The following ATE1 variants were observed in gnomAD, a reference collection of about 807,000 sequenced individuals.
ATE1 encodes the protein arginyltransferase 1.
In ATE1, 36 loss-of-function variants were observed where a neutral mutation model predicts 70.5. The ratio of observed to expected loss-of-function variants is 0.51; its 90% CI spans 0.39 to 0.67. The LOEUF is 0.67. Among genes scored for constraint, ATE1 ranks in the 30% least tolerant of loss-of-function variants. The pLI is 0.00. For missense variants in ATE1, 593 were observed against 629.5 expected (o/e 0.94, Z 0.62); for synonymous variants, 232 against 219.3 (o/e 1.06, Z -0.51).
chr10:121,781,208 A>T (rs1945973746), intron 11 of ATE1, among the ~76,000 whole-genome samples: 1 of 151,900 alleles, frequency 6.6e-6, no homozygotes, highest in Non-Finnish European at 1.5e-5. Flanking sequence ...CCTCTTGGGC[A>T]CTGCCTTTCA....
rs143234374 is a variant in ATE1 at position 121,847,623 on chromosome 10, T to C, written c.976-6360A>G. On this transcript the variant is annotated intron_variant, in intron 8 of 11. Transcript: ENST00000224652. ...AAATACAAAAATTAGCCTAGCGTGG[T>C]GGCATGTGCCTGTAATCCCAGCTAC... Among the ~76,000 whole-genome samples the C allele has an allele frequency of 8.2e-3, 1,235 of 150,524 alleles. 22 individuals carry two copies. The highest frequency in any genetic ancestry group is 0.029 in the African/African-American group (1,194 of 40,792).
At position 121,776,685 on chromosome 10, in the gene ATE1, G is replaced by A. The variant is rs370315753; in HGVS notation, c.1378+13484C>T. On this transcript the variant is annotated intron_variant, in intron 11 of 11. Coordinates refer to ENST00000224652, the MANE Select transcript of ATE1 (RefSeq NM_001001976.3). ...AACTACCAGAGTGTACCACACGAGTGAGGGTGAGTACTATTTAGCACATTT... is the reference window on the plus strand; with the variant it reads ...AACTACCAGAGTGTACCACACGAGTAAGGGTGAGTACTATTTAGCACATTT... Among the ~76,000 whole-genome samples, 123 of 152,380 alleles carry A rather than the reference G, an allele frequency of 8.1e-4. 1 individual carries two copies. Among genetic ancestry groups the A allele is most frequent in the African/African-American group, 2.8e-3 (118 of 41,596 alleles).
At chr10:121,796,495 A>G (rs1334751746) in intron 10 of ATE1, among the ~76,000 whole-genome samples, 1 of 152,188 alleles carries the variant, frequency 6.6e-6, no homozygotes, top group East Asian at 1.9e-4. Flanking sequence ...ACAAAACTCA[A>G]AAACAAAATG....
chr10:121,912,093 T>C (rs1951461190), intron 4 of ATE1, among the ~76,000 whole-genome samples: 1 of 151,960 alleles, frequency 6.6e-6, no homozygotes, highest in Non-Finnish European at 1.5e-5. Context: ...GGTTTCACCG[T>C]GTAAGCCAGG....
At chr10:121,813,666 G>A (rs1268479087) in intron 10 of ATE1, among the ~76,000 whole-genome samples, 1 of 152,198 alleles carries the variant, frequency 6.6e-6, no homozygotes, top group Non-Finnish European at 1.5e-5. Context: ...ACCCAGGCTA[G>A]ATGAAGACCT....
chr10:121,824,057 T>A (rs1947909439), intron 10 of ATE1, among the ~76,000 whole-genome samples: 1 of 151,990 alleles, frequency 6.6e-6, no homozygotes, highest in Non-Finnish European at 1.5e-5. Flanking sequence ...ATTCCCCACA[T>A]GTGACAGTGT....
At chr10:121,862,488 C>G (rs1433743754) in intron 8 of ATE1, among the ~76,000 whole-genome samples, 1 of 150,954 alleles carries the variant, frequency 6.6e-6, no homozygotes, top group Non-Finnish European at 1.5e-5. Flanking sequence ...TCCAGAATTG[C>G]TGGGACTACA....
At chr10:121,872,668 A>T (rs1949903119) in intron 7 of ATE1, among the ~76,000 whole-genome samples, 1 of 152,148 alleles carries the variant, frequency 6.6e-6, no homozygotes, top group Non-Finnish European at 1.5e-5. Flanking sequence ...AATTGAAAGC[A>T]GAAATAGATT....
chr10:121,902,314 C>T, intron 6 of ATE1, 77 bp downstream of exon 6: 2 of 1,310,612 alleles, frequency 1.5e-6, no homozygotes, highest in Non-Finnish European at 2.1e-6. Context: ...CTAATTAGAA[C>T]TTCAAATAAA....
intron 11 of ATE1, among the ~76,000 whole-genome samples, chr10:121,780,348 A>T (rs946522990): frequency 1.3e-5 from 2 of 152,136 alleles, no homozygotes; most frequent in African/African-American, 4.8e-5. Flanking sequence ...AAACACAATT[A>T]ATCACCCAAT....
At chr10:121,889,246 T>C (rs973020512) in intron 7 of ATE1, among the ~76,000 whole-genome samples, 7 of 152,152 alleles carry the variant, frequency 4.6e-5, no homozygotes, top group African/African-American at 1.7e-4. Context: ...TAAAAAACTT[T>C]TTTTAAGTAC....
chr10:121,849,257 TTAAA>T (rs1298695364), intron 8 of ATE1, among the ~76,000 whole-genome samples: 1 of 152,070 alleles, frequency 6.6e-6, no homozygotes, highest in Non-Finnish European at 1.5e-5. Flanking sequence ...AAGCACATTA[TTAAA>T]TAAACAATGC....
At chr10:121,846,291 T>C (rs1948819270) in intron 8 of ATE1, among the ~76,000 whole-genome samples, 1 of 152,154 alleles carries the variant, frequency 6.6e-6, no homozygotes, top group South Asian at 2.1e-4. Flanking sequence ...TAAATATTCA[T>C]TAGTCCACAC....
chr10:121,846,081 A>G (rs1948807842), intron 8 of ATE1, among the ~76,000 whole-genome samples: 1 of 151,596 alleles, frequency 6.6e-6, no homozygotes, highest in South Asian at 2.1e-4. Context: ...GGCAGGAAAT[A>G]TACAAGATCA....
At chr10:121,809,913 A>C (rs1268709050) in intron 10 of ATE1, among the ~76,000 whole-genome samples, 1 of 152,044 alleles carries the variant, frequency 6.6e-6, no homozygotes. Context: ...AAAAAAAAAA[A>C]CAATGCACCC....
intron 11 of ATE1, among the ~76,000 whole-genome samples, chr10:121,766,901 T>C (rs1945301174): frequency 6.6e-6 from 1 of 151,946 alleles, no homozygotes. Flanking sequence ...TTTAAAGAAA[T>C]AAAACCCATT....
chr10:121,911,584 A>C (rs1246023498), intron 4 of ATE1, among the ~76,000 whole-genome samples: 1 of 152,206 alleles, frequency 6.6e-6, no homozygotes, highest in Non-Finnish European at 1.5e-5. Flanking sequence ...GTTTTAAAGG[A>C]AACTTGCGAC....
intron 7 of ATE1, among the ~76,000 whole-genome samples, chr10:121,879,233 C>G (rs964774827): frequency 6.6e-6 from 1 of 152,116 alleles, no homozygotes; most frequent in African/African-American, 2.4e-5. Context: ...AGGTACTCTC[C>G]CAACTACCTG....
chr10:121,920,119 G>GTATA (rs1951820333), intron 3 of ATE1, among the ~76,000 whole-genome samples: 1 of 151,946 alleles, frequency 6.6e-6, no homozygotes, highest in African/African-American at 2.4e-5. Context: ...AATTTTATGA[G>GTATA]TATATATACA....
Sources: gnomAD v4.1 joint callset for allele counts (sites outside exome capture counted in the v4.1 genomes callset) on GRCh38, gnomAD v4.1.1 for gene constraint, MANE v1.5 for transcripts, NCBI Gene and HGNC (gene_info 2026-07-23, HGNC 2026-07-21) for gene names.